The following ADAM2 variants were observed in gnomAD, a reference collection of about 807,000 sequenced individuals.
The protein encoded by ADAM2 is disintegrin and metalloproteinase domain-containing protein 2.
Under a neutral mutation model 99.3 loss-of-function variants are expected in ADAM2, and 101 were observed. The observed-to-expected ratio is 1.02, with a 90% CI of 0.87 to 1.20. The LOEUF (loss-of-function observed/expected upper bound fraction) is 1.20. ADAM2 is among the 50% of genes most tolerant of loss of function. ADAM2 has a pLI of 0.00. For missense variants in ADAM2, 948 were observed against 878.7 expected (o/e 1.08, Z -1.00); for synonymous variants, 323 against 287.6 (o/e 1.12, Z -1.25).
chr8:39,793,606 T>G (rs144307397), intron 7 of ADAM2, among the ~76,000 whole-genome samples: 1 of 152,116 alleles, frequency 6.6e-6, no homozygotes, highest in Non-Finnish European at 1.5e-5. Context: ...AACTCACTGA[T>G]AAGAACTCAA....
chr8:39,753,586 G>A (rs1802035555), intron 16 of ADAM2, among the ~76,000 whole-genome samples: 1 of 152,132 alleles, frequency 6.6e-6, no homozygotes. Flanking sequence ...AGACACAGAG[G>A]CCTAGGAGGG....
At chr8:39,785,606 G>A (rs574826121) in intron 10 of ADAM2, among the ~76,000 whole-genome samples, 1 of 152,200 alleles carries the variant, frequency 6.6e-6, no homozygotes, top group Admixed American at 6.5e-5. Flanking sequence ...GACCAGCCTG[G>A]CCAATGTGGC....
rs1251553884 is a variant in ADAM2, at chr8:39,779,285, C to T, written c.892-2124G>A. On this transcript the variant is annotated intron_variant, in intron 10 of 20. Coordinates refer to ENST00000265708, the MANE Select transcript of ADAM2 (RefSeq NM_001464.5). ...GACCTTTTTGGCTTGTGATAGGTTG[C>T]CTTCTTGCTGGCCTTTCCTCTATGT... 3.3e-5 allele frequency among the ~76,000 whole-genome samples: 5 copies of T among 152,042 alleles called. No homozygotes were observed. The East Asian group carries it at 9.6e-4, about 29-fold the overall frequency.
At chr8:39,810,866 T>C (rs957394203) in intron 6 of ADAM2, among the ~76,000 whole-genome samples, 5 of 152,042 alleles carry the variant, frequency 3.3e-5, no homozygotes, top group African/African-American at 1.2e-4. Context: ...AACATCACCA[T>C]TAAAAGAACT....
chr8:39,785,021 T>C (rs969454355), intron 10 of ADAM2, among the ~76,000 whole-genome samples: 4 of 152,220 alleles, frequency 2.6e-5, no homozygotes, highest in African/African-American at 9.6e-5. Context: ...ACTCTGTTGA[T>C]ATTTCTTGTT....
chr8:39,761,273 A>G lies in ADAM2; in HGVS notation c.1516T>C (p.Phe506Leu). The change falls in exon 15 of 21, where the codon TTT (phenylalanine) becomes CTT (leucine). Residue 506 changes from phenylalanine (F) to leucine (L), a missense_variant. Physicochemically the swap from Phe to Leu is conservative, Grantham distance 22 (BLOSUM62 0). Transcript: ENST00000265708. ...TGAGAATAACATTCTGAAGGGCCAA[A>G]CTCTACTTCTGAAAATAAAAAGGTG... ...CTDTFGKEVE[F>L]GPSECYSHLN... 1 of 1,586,930 alleles carries G rather than the reference A, an allele frequency of 6.3e-7. No individual in the cohort carries two copies. Among genetic ancestry groups the G allele is most frequent in the Non-Finnish European group, 8.6e-7 (1 of 1,165,812 alleles).
chr8:39,771,839 T>G (rs1802791550), intron 11 of ADAM2, among the ~76,000 whole-genome samples: 1 of 151,996 alleles, frequency 6.6e-6, no homozygotes. Context: ...AATTTAATAT[T>G]ACTGAGAACC....
chr8:39,825,925 G>A (rs559773994), intron 3 of ADAM2, among the ~76,000 whole-genome samples: 1 of 152,258 alleles, frequency 6.6e-6, no homozygotes, highest in South Asian at 2.1e-4. Context: ...TGTGAAAAAT[G>A]TCATTAGAAT....
At chr8:39,782,568 A>G (rs1803274659) in intron 10 of ADAM2, among the ~76,000 whole-genome samples, 1 of 152,244 alleles carries the variant, frequency 6.6e-6, no homozygotes, top group South Asian at 2.1e-4. Context: ...AACTATGCCA[A>G]TGGTTCAATG....
chr8:39,820,089 G>T (rs1207966827), intron 6 of ADAM2, among the ~76,000 whole-genome samples: 2 of 152,098 alleles, frequency 1.3e-5, no homozygotes. Context: ...TCTGATCAAA[G>T]ACTTATGAAG....
chr8:39,811,020 C>T (rs1442383962), intron 6 of ADAM2, among the ~76,000 whole-genome samples: 1 of 150,794 alleles, frequency 6.6e-6, no homozygotes, highest in African/African-American at 2.4e-5. Flanking sequence ...GAAAAGATCA[C>T]CAAAATTGAT....
chr8:39,756,126 A>C lies in ADAM2; in HGVS notation c.1614-215T>G, dbSNP rs571908641. On this transcript the variant is annotated intron_variant, in intron 15 of 20. Coordinates refer to ENST00000265708, the MANE Select transcript of ADAM2 (RefSeq NM_001464.5). ...TATGAACTAAGGTTGGTGCAAAACT[A>C]ATAGTGGTTTTTGCCACTTTTTTAA... Among the ~76,000 whole-genome samples, 4 of 152,304 alleles carry C rather than the reference A, an allele frequency of 2.6e-5. No homozygotes were observed. The East Asian group carries it at 7.7e-4, about 29-fold the overall frequency.
At chr8:39,790,826 G>A (rs1414186662) in intron 7 of ADAM2, among the ~76,000 whole-genome samples, 1 of 151,792 alleles carries the variant, frequency 6.6e-6, no homozygotes, top group Non-Finnish European at 1.5e-5. Context: ...AAGGGCCTTT[G>A]GAAAGGGAAC....
chr8:39,755,474 A>G (rs1298898350), intron 16 of ADAM2, among the ~76,000 whole-genome samples: 3 of 152,172 alleles, frequency 2.0e-5, no homozygotes, highest in Non-Finnish European at 4.4e-5. Flanking sequence ...CAGGAGTTTG[A>G]GATCAGCCTG....
chr8:39,753,507 G>A (rs1056179685), intron 16 of ADAM2, among the ~76,000 whole-genome samples: 4 of 152,086 alleles, frequency 2.6e-5, no homozygotes, highest in African/African-American at 7.2e-5. Flanking sequence ...TCAAATGTTA[G>A]TCATCAAGAC....
rs148579796 is a variant in ADAM2, at chr8:39,809,879, G to A, written c.514-413C>T. ...CTAGGAAGAAACTGCATCAATTAACGAGCAAAATAACCAGCTAACATCATA... is the reference window on the plus strand; with the variant it reads ...CTAGGAAGAAACTGCATCAATTAACAAGCAAAATAACCAGCTAACATCATA... On this transcript the variant is annotated intron_variant, in intron 6 of 20. Coordinates refer to ENST00000265708, the MANE Select transcript of ADAM2 (RefSeq NM_001464.5). Among the ~76,000 whole-genome samples the A allele has an allele frequency of 4.7e-3, 722 of 152,238 alleles. 6 individuals carry two copies. Among genetic ancestry groups the A allele is most frequent in the African/African-American group, 0.017 (690 of 41,544 alleles).
intron 15 of ADAM2, among the ~76,000 whole-genome samples, chr8:39,760,671 AGATAGTGCCACGGCACTCCAGCCTG>A: frequency 6.6e-6 from 1 of 152,058 alleles, no homozygotes; most frequent in Non-Finnish European, 1.5e-5. Context: ...CAGTGAGCCG[AGATAGTGCCACGGCACTCCAGCCTG>A]GGGGAGAGAG....
intron 3 of ADAM2, among the ~76,000 whole-genome samples, chr8:39,829,668 T>C (rs768572697): frequency 6.6e-6 from 1 of 151,996 alleles, no homozygotes; most frequent in Non-Finnish European, 1.5e-5. Context: ...ATATGTCCTA[T>C]AAAATCTTGT....
At chr8:39,757,477 T>G (rs1802194288) in intron 15 of ADAM2, among the ~76,000 whole-genome samples, 1 of 152,186 alleles carries the variant, frequency 6.6e-6, no homozygotes, top group Admixed American at 6.5e-5. Context: ...AGGACATTAT[T>G]AAAATACGGG....
Sources: allele counts gnomAD v4.1 joint callset (sites outside exome capture counted in the v4.1 genomes callset), GRCh38; gene constraint gnomAD v4.1.1; transcripts MANE v1.5; gene names NCBI Gene and HGNC (gene_info 2026-07-23, HGNC 2026-07-21).